The following SMARCB1 variants were observed in gnomAD, a reference collection of about 807,000 sequenced individuals.
The protein encoded by SMARCB1 is SWI/SNF-related matrix-associated actin-dependent regulator of chromatin subfamily B member 1.
In SMARCB1, 5 loss-of-function variants were observed where a neutral mutation model predicts 49.0. That is an observed-to-expected ratio of 0.10 (90% CI 0.05 to 0.21). The LOEUF (loss-of-function observed/expected upper bound fraction) is 0.21, where lower values mean the gene tolerates loss of function less well. SMARCB1 is among the 10% of genes least tolerant of loss of function. SMARCB1 has a pLI of 1.00. For missense variants in SMARCB1, 226 were observed against 509.2 expected (o/e 0.44, Z 5.35); for synonymous variants, 201 against 200.1 (o/e 1.00, Z -0.04).
At position 23,836,224 on chromosome 22, in the gene SMARCB1, C is replaced by G; in HGVS notation, c.*2044C>G. On this transcript the variant is annotated 3_prime_UTR_variant, in exon 9 of 9. Transcript: ENST00000644036. ...TGAGGTCATAGAAAGGGCAGAAGAC[C>G]TAGTCCTGGCCCTCTTCTGCACCTG... The G allele has an allele frequency of 3.0e-6, 3 of 985,476 alleles. No individual in the cohort carries two copies. Among genetic ancestry groups the G allele is most frequent in the Non-Finnish European group, 3.6e-6 (3 of 829,936 alleles). The allele number at this position is 985,476 out of a possible 1,614,324, so 61.0% of individuals were successfully genotyped here. A position where few individuals can be genotyped will look rare whatever the true frequency, so the allele number is the denominator to read the frequency against.
intron 5 of SMARCB1, among the ~76,000 whole-genome samples, chr22:23,806,913 C>T (rs1929528582): frequency 9.0e-6 from 1 of 111,530 alleles, no homozygotes; most frequent in Non-Finnish European, 1.7e-5. Context: ...GAGTGAGACT[C>T]TATCTCAAAA....
chr22:23,790,454 G>T (rs1000454218), intron 1 of SMARCB1, among the ~76,000 whole-genome samples: 1 of 152,196 alleles, frequency 6.6e-6, no homozygotes, highest in Non-Finnish European at 1.5e-5. Flanking sequence ...CTAGCACTTT[G>T]GGAGGCCCAG....
intron 6 of SMARCB1, among the ~76,000 whole-genome samples, chr22:23,819,576 C>G (rs1601426231): frequency 6.6e-6 from 1 of 152,140 alleles, no homozygotes; most frequent in East Asian, 1.9e-4. Flanking sequence ...CTCCCAAACT[C>G]AAATGATCTG....
chr22:23,800,596 T>C (rs889655030), intron 3 of SMARCB1, among the ~76,000 whole-genome samples: 7 of 152,112 alleles, frequency 4.6e-5, no homozygotes, highest in Admixed American at 1.3e-4. Flanking sequence ...CCTGACTCAG[T>C]GTCTAAGGCT....
Position 23,837,774 on chromosome 22 carries a change from G to C in SMARCB1, c.*3594G>C. ...CGAAGAAGTTGACCCTCACCCGAGG[G>C]CTGCGGCGGCTCCACACGTACACCA... On this transcript the variant is annotated 3_prime_UTR_variant, in exon 9 of 9. Transcript: ENST00000644036. 1.2e-6 allele frequency: 2 copies of C among 1,613,942 alleles called. No individual in the cohort carries two copies. Among genetic ancestry groups the C allele is most frequent in the Non-Finnish European group, 1.7e-6 (2 of 1,180,024 alleles).
rs774130766 is a variant in SMARCB1 at position 23,816,816 on chromosome 22, T to C, written c.675T>C (p.Asp225=). The change falls in exon 6 of 9, where the codon GAT becomes GAC. Residue 225 remains aspartate (D), a synonymous_variant. Transcript: ENST00000644036. ...PEMFSEILCD[D]LDLNPLTFVP... is the part of the protein sequence containing the mutation. ...TGTTTTCAGAAATCCTCTGTGACGA[T>C]CTGGATTTGAACCCGCTGACGTTTG... is the stretch of plus-strand genomic sequence containing the variant. 1.2e-6 allele frequency: 2 copies of C among 1,614,106 alleles called. No homozygotes were observed. The highest frequency in any genetic ancestry group is 1.7e-6 in the Non-Finnish European group (2 of 1,179,990).
rs748173402 is a variant in SMARCB1 at position 23,800,903 on chromosome 22, C to T, written c.363-41C>T. Reference sequence around the variant, plus strand: ...TTGATTCCTGGTGGGCAGGATCAGGCTCCTATACTGACTGGGAGGACTTTT... The same window carrying T: ...TTGATTCCTGGTGGGCAGGATCAGGTTCCTATACTGACTGGGAGGACTTTT... On this transcript the variant is annotated intron_variant, in intron 3 of 8. Coordinates refer to ENST00000644036, the MANE Select transcript of SMARCB1 (RefSeq NM_003073.5). 6 of 1,457,074 alleles carry T rather than the reference C, an allele frequency of 4.1e-6. No homozygotes were observed. In the South Asian group the frequency reaches 6.8e-5, roughly 17 times the overall value. 90.3% of individuals were successfully genotyped at this position (1,457,074 alleles called of 1,614,324 possible).
At chr22:23,800,923 A>G (rs2145977905) in intron 3 of SMARCB1, 21 bp from the exon 4 acceptor site, 3 of 1,595,890 alleles carry the variant, frequency 1.9e-6, no homozygotes, top group Non-Finnish European at 2.6e-6. Flanking sequence ...GACTGGGAGG[A>G]CTTTTCTTGT....
intron 5 of SMARCB1, among the ~76,000 whole-genome samples, chr22:23,810,657 G>A (rs1929818330): frequency 1.3e-5 from 2 of 152,190 alleles, no homozygotes; most frequent in African/African-American, 4.8e-5. Flanking sequence ...TCTCCTCTTG[G>A]GTTTAACAAA....
chr22:23,834,646 A>C lies in SMARCB1; in HGVS notation c.*466A>C. ...CACAGGCCTCACCCTCCTCTGCCTCAGATTCCCAAGTGGGCAGGTGGGGGT... is the reference window on the plus strand; with the variant it reads ...CACAGGCCTCACCCTCCTCTGCCTCCGATTCCCAAGTGGGCAGGTGGGGGT... On this transcript the variant is annotated 3_prime_UTR_variant, in exon 9 of 9. Transcript: ENST00000644036. The C allele has an allele frequency of 1.1e-5, 10 of 896,654 alleles. No homozygotes were observed. In the South Asian group the frequency reaches 1.5e-4, roughly 13 times the overall value. The allele number at this position is 896,654 out of a possible 1,614,324, so 55.5% of individuals were successfully genotyped here.
intron 7 of SMARCB1, among the ~76,000 whole-genome samples, chr22:23,830,649 CTTTTTTTTTTTTTTTTTTTTT>C (rs56800497): frequency 1.2e-4 from 11 of 95,424 alleles, no homozygotes; most frequent in East Asian, 7.5e-4. Context: ...TCCAATTTAT[CTTTTTTTTTTTTTTTTTTTTT>C]TTTTTTTTTT....
intron 1 of SMARCB1, 55 bp from the exon 2 acceptor site, chr22:23,791,701 C>G: frequency 1.9e-6 from 3 of 1,587,212 alleles, no homozygotes; most frequent in Non-Finnish European, 2.6e-6. Context: ...CCAGGACCCT[C>G]CCCTTCCCTG....
At chr22:23,792,504 C>T (rs542608341) in intron 2 of SMARCB1, 2 of 197,818 alleles carry the variant, frequency 1.0e-5, no homozygotes, top group Admixed American at 5.3e-5. Flanking sequence ...GGGAGACACT[C>T]CCATGGAGAC....
In SMARCB1 at chr22:23,816,763, A is replaced by T; in HGVS notation, c.629-7A>T. 1.9e-6 allele frequency: 3 copies of T among 1,613,110 alleles called. No homozygotes were observed. The highest frequency in any genetic ancestry group is 2.5e-6 in the Non-Finnish European group (3 of 1,179,648). On this transcript the variant is annotated splice_region_variant and splice_polypyrimidine_tract_variant and intron_variant, in intron 5 of 8. Transcript: ENST00000644036. ...CTCTTGGCATCCCTTCCCTCTCCTG[A>T]TTTCAGAGAAGTTGATGACGCCTGA...
chr22:23,830,871 G>C (rs2030621389), intron 7 of SMARCB1, among the ~76,000 whole-genome samples: 1 of 151,980 alleles, frequency 6.6e-6, no homozygotes. Context: ...ATGTTGGCCA[G>C]GATGGTCTCC....
Position 23,787,137 on chromosome 22 carries a change from G to T in SMARCB1, c.-33G>T, listed in dbSNP as rs1389961619. ...GCCCCAGCCCTCCTGATCCCTCGCA[G>T]CCCGGCTCCGGCCGCCCGCCTCTGC... On this transcript the variant is annotated 5_prime_UTR_variant, in exon 1 of 9. Coordinates refer to ENST00000644036, the MANE Select transcript of SMARCB1 (RefSeq NM_003073.5). 1.4e-6 allele frequency: 2 copies of T among 1,448,898 alleles called. No individual in the cohort carries two copies. The highest frequency in any genetic ancestry group is 1.7e-5 in the Admixed American group (1 of 59,270). 89.8% of individuals were successfully genotyped at this position (1,448,898 alleles called of 1,614,324 possible).
chr22:23,795,729 C>T (rs1928702254), intron 3 of SMARCB1, among the ~76,000 whole-genome samples: 1 of 150,886 alleles, frequency 6.6e-6, no homozygotes, highest in Non-Finnish European at 1.5e-5. Flanking sequence ...AAACAAAAAA[C>T]TGGCAACATA....
Position 23,834,268 on chromosome 22 carries a change from G to A in SMARCB1, c.*88G>A, listed in dbSNP as rs888167155. On this transcript the variant is annotated 3_prime_UTR_variant, in exon 9 of 9. Coordinates refer to ENST00000644036, the MANE Select transcript of SMARCB1 (RefSeq NM_003073.5). ...CTTCTGGCAAGGACAGAGGCGAGGG[G>A]ACAGCCCAGCGCCATCCTGAGGATC... is the stretch of plus-strand genomic sequence containing the variant. The A allele has an allele frequency of 2.1e-6, 3 of 1,412,076 alleles. No homozygotes were observed. In the Admixed American group the frequency reaches 5.9e-5, roughly 28 times the overall value. The allele number at this position is 1,412,076 out of a possible 1,614,324, so 87.5% of individuals were successfully genotyped here. A position where few individuals can be genotyped will look rare whatever the true frequency, so the allele number is the denominator to read the frequency against.
intron 4 of SMARCB1, 184 bp downstream of exon 4, chr22:23,801,265 C>A: frequency 1.2e-6 from 1 of 869,264 alleles, no homozygotes. Context: ...CCATAGCCTC[C>A]TTGGCTCTGT....
Sources: gnomAD v4.1 joint callset for allele counts (sites outside exome capture counted in the v4.1 genomes callset) on GRCh38, gnomAD v4.1.1 for gene constraint, MANE v1.5 for transcripts, NCBI Gene and HGNC (gene_info 2026-07-23, HGNC 2026-07-21) for gene names.